CCDC73: variants seen among roughly 807,000 people sequenced by gnomAD.
CCDC73 encodes coiled-coil domain-containing protein 73.
CCDC73 carries 95 observed loss-of-function variants against 116.5 expected under a neutral mutation model. That is an observed-to-expected ratio of 0.82 (90% CI 0.69 to 0.97). The LOEUF is 0.97. CCDC73 is among the 50% of genes least tolerant of loss of function. CCDC73 has a pLI of 0.00. For synonymous variants in CCDC73, 398 were observed against 401.3 expected, an observed-to-expected ratio of 0.99 and a Z score of 0.10; for missense variants, 1,066 against 1,206.8, an observed-to-expected ratio of 0.88 and a Z score of 1.73.
chr11:32,729,638 CACAA>C (rs1330815443), intron 2 of CCDC73, among the ~76,000 whole-genome samples: 2 of 152,198 alleles, frequency 1.3e-5, no homozygotes, highest in East Asian at 1.9e-4. Flanking sequence ...TTTACACTCC[CACAA>C]ACAGTGTAAA....
intron 15 of CCDC73, 180 bp downstream of exon 15, chr11:32,615,760 A>C (rs1855467951): frequency 1.9e-6 from 1 of 522,750 alleles, no homozygotes; most frequent in East Asian, 4.0e-5. Flanking sequence ...AGGTCTGGTC[A>C]TCAGAAGGTT....
chr11:32,654,856 T>TCAA lies in CCDC73; in HGVS notation c.761_762insTTG (p.Glu254delinsAspTer). The TCAA allele has an allele frequency of 1.3e-6, 2 of 1,543,356 alleles. No homozygotes were observed. The highest frequency in any genetic ancestry group is 1.8e-4 in the Middle Eastern group (1 of 5,564). ...TTTAATAAAATACCATGTTGAGTCT[T>TCAA]TCTTGAAGTTCTTGAAATTTTTGTT... On this transcript the variant is annotated stop_gained and protein_altering_variant, in exon 10 of 18. Coordinates refer to ENST00000335185, the MANE Select transcript of CCDC73 (RefSeq NM_001008391.4). LOFTEE classifies it high-confidence loss of function.
chr11:32,770,397 T>G (rs1850482809), intron 1 of CCDC73, among the ~76,000 whole-genome samples: 1 of 152,120 alleles, frequency 6.6e-6, no homozygotes, highest in South Asian at 2.1e-4. Context: ...CAATTCTAGA[T>G]GGGAGAAACA....
intron 1 of CCDC73, among the ~76,000 whole-genome samples, chr11:32,770,540 A>T (rs1276183866): frequency 6.6e-6 from 1 of 152,146 alleles, no homozygotes; most frequent in Non-Finnish European, 1.5e-5. Flanking sequence ...GGATGCTATG[A>T]AAAAAATTCC....
At chr11:32,758,929 T>C (rs1055411429) in intron 2 of CCDC73, among the ~76,000 whole-genome samples, 1 of 152,178 alleles carries the variant, frequency 6.6e-6, no homozygotes, top group Non-Finnish European at 1.5e-5. Context: ...TAAGTAGCTT[T>C]AAATAGGATG....
At chr11:32,766,494 G>A (rs1443220655) in intron 1 of CCDC73, among the ~76,000 whole-genome samples, 2 of 152,152 alleles carry the variant, frequency 1.3e-5, no homozygotes, top group Non-Finnish European at 2.9e-5. Flanking sequence ...AGGGTATTCA[G>A]TTAGGGAAAG....
intron 17 of CCDC73, chr11:32,604,162 A>T (rs1193920888): frequency 6.6e-6 from 1 of 152,296 alleles, no homozygotes. Context: ...TCACCCTGTC[A>T]CCTAGGCTGG....
At chr11:32,807,966 T>C in the CCDC73 span, among the ~76,000 whole-genome samples, 1 of 152,210 alleles carries the variant, frequency 6.6e-6, no homozygotes, top group Non-Finnish European at 1.5e-5. Flanking sequence ...TCTGATTCTT[T>C]TTCTCCATAA....
At chr11:32,768,398 C>T (rs952492814) in intron 1 of CCDC73, among the ~76,000 whole-genome samples, 1 of 152,140 alleles carries the variant, frequency 6.6e-6, no homozygotes, top group South Asian at 2.1e-4. Flanking sequence ...GTGCAGCACA[C>T]CAGCATGGTA....
intron 2 of CCDC73, among the ~76,000 whole-genome samples, chr11:32,751,009 GC>G (rs1242062097): frequency 6.6e-6 from 1 of 152,118 alleles, no homozygotes; most frequent in Non-Finnish European, 1.5e-5. Context: ...AGGCCCAAGC[GC>G]TCTTAAGTTA....
intron 3 of CCDC73, among the ~76,000 whole-genome samples, chr11:32,708,186 T>A (rs1849871484): frequency 6.6e-6 from 1 of 152,194 alleles, no homozygotes; most frequent in Admixed American, 6.5e-5. Flanking sequence ...TATGTTTTCA[T>A]TTGCTTTGTC....
At chr11:32,817,717 AC>A in the CCDC73 span, among the ~76,000 whole-genome samples, 1 of 152,136 alleles carries the variant, frequency 6.6e-6, no homozygotes, top group Non-Finnish European at 1.5e-5. Flanking sequence ...ACTCTGTCAT[AC>A]AGCCTCACCA....
chr11:32,689,646 TA>T (rs1248528922), intron 6 of CCDC73, among the ~76,000 whole-genome samples: 1 of 152,048 alleles, frequency 6.6e-6, no homozygotes, highest in African/African-American at 2.4e-5. Context: ...TCATTATAAA[TA>T]AAAAACTTAA....
intron 2 of CCDC73, among the ~76,000 whole-genome samples, chr11:32,729,413 T>C (rs758295852): frequency 6.6e-6 from 1 of 152,250 alleles, no homozygotes; most frequent in Non-Finnish European, 1.5e-5. Context: ...ATTTATCCTG[T>C]CTATCACTCA....
chr11:32,635,874 A>G (rs1590559241), intron 13 of CCDC73, 44 bp from the exon 14 acceptor site: 1 of 1,020,864 alleles, frequency 9.8e-7, no homozygotes, highest in Non-Finnish European at 1.3e-6. Context: ...TATCAAGTAT[A>G]TAAATATGTT....
chr11:32,675,069 A>C (rs1856073729), intron 9 of CCDC73, among the ~76,000 whole-genome samples: 1 of 152,066 alleles, frequency 6.6e-6, no homozygotes, highest in Non-Finnish European at 1.5e-5. Context: ...TAATAAAGTC[A>C]CCTGTGATGT....
At chr11:32,802,779 G>A in the CCDC73 span, among the ~76,000 whole-genome samples, 1 of 152,182 alleles carries the variant, frequency 6.6e-6, no homozygotes, top group Non-Finnish European at 1.5e-5. Flanking sequence ...TTGAGACAGA[G>A]TCTTGCTCTG....
intron 7 of CCDC73, 52 bp downstream of exon 7, chr11:32,683,483 TC>T (rs750492939): frequency 8.8e-7 from 1 of 1,134,664 alleles, no homozygotes; most frequent in Non-Finnish European, 1.3e-6. Context: ...AAAACACCAA[TC>T]CCCCTAAGTA....
chr11:32,673,319 A>G (rs532125178), intron 9 of CCDC73, among the ~76,000 whole-genome samples: 11 of 152,298 alleles, frequency 7.2e-5, no homozygotes, highest in Admixed American at 3.3e-4. Flanking sequence ...TGAGGACAGG[A>G]AGTATACAGG....
Sources: gnomAD v4.1 joint callset for allele counts (sites outside exome capture counted in the v4.1 genomes callset) on GRCh38, gnomAD v4.1.1 for gene constraint, MANE v1.5 for transcripts, NCBI Gene and HGNC (gene_info 2026-07-23, HGNC 2026-07-21) for gene names.